The following ZNF473 variants were observed in gnomAD, a reference collection of about 807,000 sequenced individuals.
ZNF473 encodes the protein zinc finger protein 473.
ZNF473 carries 4 observed loss-of-function variants against 11.1 expected under a neutral mutation model. That is an observed-to-expected ratio of 0.36 (90% CI 0.18 to 0.82). The LOEUF (loss-of-function observed/expected upper bound fraction) is 0.82, where lower values mean the gene tolerates loss of function less well. Ranked by LOEUF, ZNF473 falls within the 40% of genes least tolerant of loss-of-function variation. The pLI, the probability that ZNF473 is intolerant of heterozygous loss-of-function variation, is 0.49. For missense variants in ZNF473, 854 were observed against 1,084.0 expected, an observed-to-expected ratio of 0.79 and a Z score of 2.98; for synonymous variants, 404 against 390.4, an observed-to-expected ratio of 1.03 and a Z score of -0.41.
At chr19:50,043,448 A>AAAATATATATAT (rs1259545565) in intron 4 of ZNF473, 1 of 107,916 alleles carries the variant, frequency 9.3e-6, no homozygotes, top group African/African-American at 3.9e-5. Flanking sequence ...AAAAAAAAAA[A>AAAATATATATAT]ATATATATAT....
chr19:50,029,004 C>T (rs1302893571), intron 1 of ZNF473, among the ~76,000 whole-genome samples: 1 of 152,194 alleles, frequency 6.6e-6, no homozygotes, highest in Non-Finnish European at 1.5e-5. Flanking sequence ...CGTGCCTTAC[C>T]TGAACTACTA....
At chr19:50,041,980 T>TG in intron 4 of ZNF473, 161 bp downstream of exon 4, 1 of 559,454 alleles carries the variant, frequency 1.8e-6, no homozygotes, top group Non-Finnish European at 3.1e-6. Context: ...TCCTGGGAGC[T>TG]GGGGGGATCA....
chr19:50,028,741 A>G (rs1047179980), intron 1 of ZNF473, among the ~76,000 whole-genome samples: 2 of 152,176 alleles, frequency 1.3e-5, no homozygotes, highest in Non-Finnish European at 2.9e-5. Context: ...GAAATTTCCC[A>G]ATTTTCAAGT....
At position 50,039,459 on chromosome 19, in the gene ZNF473, T is replaced by C. The variant is rs10427079; in HGVS notation, c.136+172T>C. On this transcript the variant is annotated intron_variant, in intron 3 of 4. Transcript: ENST00000270617. This position sits in a 1 kb window ranked among gnomAD's most constrained non-coding sequence, Gnocchi z 4.8. ...ACATTGGCAATGTGTGGAGACATTT[T>C]TGATTGTTACTCCTTGGGCCAGCGC... 0.052 allele frequency among the ~76,000 whole-genome samples: 7,992 copies of C among 152,316 alleles called. 690 individuals carry two copies. Among genetic ancestry groups the C allele is most frequent in the African/African-American group, 0.18 (7,590 of 41,544 alleles).
At chr19:50,033,230 G>A (rs575265790) in intron 2 of ZNF473, among the ~76,000 whole-genome samples, 1 of 152,270 alleles carries the variant, frequency 6.6e-6, no homozygotes, top group African/African-American at 2.4e-5. Flanking sequence ...AAGGCTTCAT[G>A]GAGAAGAGGC....
In ZNF473 at chr19:50,046,752, G is replaced by A. The variant is rs1420568714; in HGVS notation, c.2309G>A (p.Ser770Asn). The A allele has an allele frequency of 1.2e-6, 2 of 1,614,154 alleles. No individual in the cohort carries two copies. The highest frequency in any genetic ancestry group is 8.5e-7 in the Non-Finnish European group (1 of 1,180,004). Residue 770 changes from serine (S) to asparagine (N), a missense_variant, in exon 5 of 5, where the codon AGC (serine) becomes AAC (asparagine). Physicochemically the swap from Ser to Asn is conservative, Grantham distance 46 (BLOSUM62 1). Around this residue, in one of 2 missense-constraint regions of ZNF473, gnomAD observed 186 missense variants for 293.8 expected, o/e 0.63. Transcript: ENST00000270617. This position sits in a 1 kb window ranked among gnomAD's most constrained non-coding sequence, Gnocchi z 5.9. The stretch of plus-strand genomic sequence containing the variant: ...GAATGCGGGAAAGCCTTCACCCAGA[G>A]CTCATGCCTTTCTATTCACCGGAGA... Reference protein sequence around the residue: ...CQECGKAFTQSSCLSIHRRVH... With the variant: ...CQECGKAFTQNSCLSIHRRVH...
Position 50,036,314 on chromosome 19 carries a change from C to CTTTTTTTTT in ZNF473, c.10-2838_10-2830dup, listed in dbSNP as rs35619461. ...ATGTAGCTGTATTAAGAGGTGGGGC[C>CTTTTTTTTT]TTTTTTTTTTTTTTTTTGAGATGGA... On this transcript the variant is annotated intron_variant, in intron 2 of 4. Coordinates refer to ENST00000270617, the MANE Select transcript of ZNF473 (RefSeq NM_015428.4). Among the ~76,000 whole-genome samples the CTTTTTTTTT allele has an allele frequency of 1.5e-3, 163 of 108,758 alleles. 2 individuals carry two copies. The highest frequency in any genetic ancestry group is 6.3e-3 in the African/African-American group (159 of 25,090). The allele number at this position is 108,758 out of a possible 152,430, so 71.3% of individuals were successfully genotyped here.
At chr19:50,027,988 C>T (rs1016628678) in intron 1 of ZNF473, among the ~76,000 whole-genome samples, 3 of 152,004 alleles carry the variant, frequency 2.0e-5, no homozygotes, top group African/African-American at 7.2e-5. Context: ...TGCACCCAGC[C>T]GCTTTTTAAA....
chr19:50,044,185 G>A (rs1441797052), intron 4 of ZNF473, among the ~76,000 whole-genome samples: 1 of 152,084 alleles, frequency 6.6e-6, no homozygotes, highest in Non-Finnish European at 1.5e-5. Flanking sequence ...AGAGAGGAGA[G>A]GAAGGGAGTT....
At chr19:50,033,879 T>G (rs140272143) in intron 2 of ZNF473, among the ~76,000 whole-genome samples, 1 of 152,304 alleles carries the variant, frequency 6.6e-6, no homozygotes, top group African/African-American at 2.4e-5. Context: ...TGATGACATT[T>G]AGGACCAACC....
rs1978965957 is a variant in ZNF473, at chr19:50,044,739, T to G, written c.296T>G (p.Ile99Arg). The G allele has an allele frequency of 1.9e-6, 3 of 1,614,150 alleles. No individual in the cohort carries two copies. Among genetic ancestry groups the G allele is most frequent in the South Asian group, 1.1e-5 (1 of 91,080 alleles). ...GAAGAAGGATTCTCCCAGGAGATTATAGAGATGTTATCCAAGGATGGCTTC... is the reference window on the plus strand; with the variant it reads ...GAAGAAGGATTCTCCCAGGAGATTAGAGAGATGTTATCCAAGGATGGCTTC... ...FFEEGFSQEI[I>R]EMLSKDGFWN... is the part of the protein sequence containing the mutation. The change falls in exon 5 of 5, where the codon ATA becomes AGA. Residue 99 changes from isoleucine (I) to arginine (R), a missense_variant. Physicochemically the swap from Ile to Arg is moderately conservative, Grantham distance 97 (BLOSUM62 -3). Around this residue, in one of 2 missense-constraint regions of ZNF473, gnomAD observed 668 missense variants for 790.2 expected, o/e 0.85. Transcript: ENST00000270617.
Position 50,041,776 on chromosome 19 carries a change from T to C in ZNF473, c.183T>C (p.Asp61=). The change falls in exon 4 of 5, where the codon GAT becomes GAC. Residue 61 remains aspartate, a synonymous_variant. Coordinates refer to ENST00000270617, the MANE Select transcript of ZNF473 (RefSeq NM_015428.4). ...NLTSHPDGSE[D]LEPLAGGSPE... ...CCTCCCACCCAGATGGCAGTGAAGATCTGGAGCCTCTGGCAGGAGGAAGCC... is the reference window on the plus strand; with the variant it reads ...CCTCCCACCCAGATGGCAGTGAAGACCTGGAGCCTCTGGCAGGAGGAAGCC... 1 of 1,612,924 alleles carries C rather than the reference T, an allele frequency of 6.2e-7. No individual in the cohort carries two copies. The highest frequency in any genetic ancestry group is 2.2e-5 in the East Asian group (1 of 44,658).
intron 1 of ZNF473, among the ~76,000 whole-genome samples, chr19:50,026,521 A>G (rs1165813534): frequency 3.3e-5 from 5 of 149,932 alleles, no homozygotes; most frequent in Non-Finnish European, 7.4e-5. Flanking sequence ...ATTGCACTCC[A>G]GCCTGGGTGA....
intron 4 of ZNF473, 48 bp downstream of exon 4, chr19:50,041,867 C>G (rs1978796295): frequency 6.7e-7 from 1 of 1,486,678 alleles, no homozygotes; most frequent in Non-Finnish European, 9.2e-7. Flanking sequence ...TCTTCCAGAC[C>G]TCCATCCTGA....
In ZNF473 at chr19:50,047,718, A is replaced by G. The variant is rs977409974; in HGVS notation, c.*659A>G. The G allele has an allele frequency of 6.6e-6, 1 of 152,282 alleles. No homozygotes were observed. Among genetic ancestry groups the G allele is most frequent in the Non-Finnish European group, 1.5e-5 (1 of 68,148 alleles). 9.4% of individuals were successfully genotyped at this position (152,282 alleles called of 1,614,324 possible). On this transcript the variant is annotated 3_prime_UTR_variant, in exon 5 of 5. Coordinates refer to ENST00000270617, the MANE Select transcript of ZNF473 (RefSeq NM_015428.4). Reference sequence around the variant, plus strand: ...TAAACTCTTCACCTCAACTAGCTACAACCTTCCACTCCTAACCTCCCAAGC... The same window carrying G: ...TAAACTCTTCACCTCAACTAGCTACGACCTTCCACTCCTAACCTCCCAAGC...
At chr19:50,041,686 C>A in intron 3 of ZNF473, 44 bp from the exon 4 acceptor site, 1 of 1,527,598 alleles carries the variant, frequency 6.5e-7, no homozygotes, top group South Asian at 1.2e-5. Context: ...TCTGGATGGT[C>A]CTCCATGTCC....
intron 3 of ZNF473, chr19:50,040,476 G>A (rs148731869): frequency 0.018 from 2,768 of 152,350 alleles, 43 homozygotes; most frequent in Middle Eastern, 0.051. Context: ...TCCAGGGAGC[G>A]TGTCTCTTCA....
chr19:50,029,613 C>G (rs536132415), intron 1 of ZNF473, among the ~76,000 whole-genome samples: 3 of 152,304 alleles, frequency 2.0e-5, no homozygotes, highest in African/African-American at 7.2e-5. Context: ...TTCAGCACTC[C>G]GCAGATATGT....
intron 1 of ZNF473, among the ~76,000 whole-genome samples, chr19:50,026,632 G>T (rs900645381): frequency 2.0e-5 from 3 of 151,836 alleles, no homozygotes; most frequent in Non-Finnish European, 4.4e-5. Flanking sequence ...AGGATTTCGA[G>T]GCTAGCCTGG....
Sources: allele counts gnomAD v4.1 joint callset (sites outside exome capture counted in the v4.1 genomes callset), GRCh38; gene constraint gnomAD v4.1.1; regional missense constraint gnomAD v4.1.1; non-coding constraint Gnocchi (gnomAD v3.1); transcripts MANE v1.5; gene names NCBI Gene and HGNC (gene_info 2026-07-23, HGNC 2026-07-21).